COL8A1: variants seen among roughly 807,000 people sequenced by gnomAD.
The protein encoded by COL8A1 is collagen alpha-1(VIII) chain.
A neutral mutation model predicts 42.7 loss-of-function variants in COL8A1; 21 were observed. That is an observed-to-expected ratio of 0.49 (90% CI 0.35 to 0.71). COL8A1 has a LOEUF of 0.71. Among genes scored for constraint, COL8A1 ranks in the 30% least tolerant of loss-of-function variants. The probability of loss-of-function intolerance (pLI) is 0.01; values close to 1 mark genes in which losing one functional copy is unlikely to be tolerated. For synonymous variants in COL8A1, 367 were observed against 369.1 expected (o/e 0.99, Z 0.06); for missense variants, 788 against 962.4 (o/e 0.82, Z 2.40).
At position 99,795,684 on chromosome 3, in the gene COL8A1, G is replaced by A. The variant is rs866517871; in HGVS notation, c.1783G>A (p.Val595Met). Residue 595 changes from valine (V) to methionine (M), a missense_variant, in exon 4 of 4, where the codon GTG becomes ATG. Physicochemically the swap from Val to Met is conservative, Grantham distance 21 (BLOSUM62 1). Coordinates refer to ENST00000652472, the MANE Select transcript of COL8A1 (RefSeq NM_020351.4). ...LPDMGLGIDG[V>M]KPPHAYGAKK... ...AGATATGGGGCTGGGAATTGATGGCGTGAAACCCCCCCATGCCTACGGGGC... is the reference window on the plus strand; with the variant it reads ...AGATATGGGGCTGGGAATTGATGGCATGAAACCCCCCCATGCCTACGGGGC... 5.0e-6 allele frequency: 8 copies of A among 1,613,952 alleles called. No individual in the cohort carries two copies. The highest frequency in any genetic ancestry group is 1.6e-4 in the Middle Eastern group (1 of 6,084).
intron 2 of COL8A1, among the ~76,000 whole-genome samples, chr3:99,785,211 T>C (rs1259302427): frequency 6.6e-6 from 1 of 152,150 alleles, no homozygotes; most frequent in Non-Finnish European, 1.5e-5. Flanking sequence ...AATATCCAAG[T>C]CAAAAATATG....
intron 1 of COL8A1, among the ~76,000 whole-genome samples, chr3:99,710,970 C>A (rs1339024387): frequency 2.0e-5 from 3 of 151,934 alleles, no homozygotes; most frequent in African/African-American, 7.3e-5. Flanking sequence ...AGGGCCTTAC[C>A]CAAAGGTGAT....
intron 2 of COL8A1, among the ~76,000 whole-genome samples, chr3:99,763,782 T>C (rs1576467629): frequency 6.6e-6 from 1 of 152,180 alleles, no homozygotes; most frequent in African/African-American, 2.4e-5. Flanking sequence ...GCTCAGCCAA[T>C]TGGTCACCAT....
chr3:99,688,412 A>G (rs897925953), intron 1 of COL8A1, among the ~76,000 whole-genome samples: 2 of 152,144 alleles, frequency 1.3e-5, no homozygotes, highest in Non-Finnish European at 2.9e-5. Context: ...TTCCAACTTC[A>G]GAGCGCATCG....
intron 1 of COL8A1, among the ~76,000 whole-genome samples, chr3:99,660,402 T>C (rs1938168854): frequency 6.6e-6 from 1 of 152,210 alleles, no homozygotes; most frequent in Non-Finnish European, 1.5e-5. Flanking sequence ...CAGGTCCTTT[T>C]CTCAATTGCA....
rs753331382 is a variant in COL8A1, at chr3:99,795,855, A to G, written c.1954A>G (p.Ile652Val). ...ACAGAACTACAACCCGCAGACAGGC[A>G]TCTTCACCTGTGAGGTCCCTGGTGT... ...GRQNYNPQTGIFTCEVPGVYY... is the reference protein window; with the variant it reads ...GRQNYNPQTGVFTCEVPGVYY... Residue 652 changes from isoleucine to valine, a missense_variant, in exon 4 of 4, where the codon ATC becomes GTC. This residue lies in a region of COL8A1 where 212 missense variants were observed against 210.9 expected (regional missense o/e 1.00). Transcript: ENST00000652472. 6.2e-7 allele frequency: 1 copy of G among 1,614,210 alleles called. No individual in the cohort carries two copies. Among genetic ancestry groups the G allele is most frequent in the Non-Finnish European group, 8.5e-7 (1 of 1,180,034 alleles).
chr3:99,716,264 T>C (rs1939992053), intron 1 of COL8A1, among the ~76,000 whole-genome samples: 1 of 152,050 alleles, frequency 6.6e-6, no homozygotes, highest in Admixed American at 6.6e-5. Flanking sequence ...AAGATTCTCT[T>C]GAGCAATCTA....
At chr3:99,786,230 T>A (rs1941893265) in intron 2 of COL8A1, among the ~76,000 whole-genome samples, 2 of 152,302 alleles carry the variant, frequency 1.3e-5, no homozygotes, top group South Asian at 4.1e-4. Flanking sequence ...TTGAACCCTT[T>A]ATCCTGCTGC....
At chr3:99,640,067 A>G (rs1937475442) in intron 1 of COL8A1, among the ~76,000 whole-genome samples, 1 of 152,216 alleles carries the variant, frequency 6.6e-6, no homozygotes, top group African/African-American at 2.4e-5. Context: ...AAAAATATTT[A>G]AAAGTTCTGC....
intron 2 of COL8A1, among the ~76,000 whole-genome samples, chr3:99,752,143 G>A (rs1941163453): frequency 1.3e-5 from 2 of 152,046 alleles, no homozygotes; most frequent in Non-Finnish European, 2.9e-5. Context: ...AAACATGAAA[G>A]CTCTTTTTCT....
At chr3:99,793,436 T>TAC (rs66839546) in intron 3 of COL8A1, among the ~76,000 whole-genome samples, 13,396 of 149,396 alleles carry the variant, frequency 0.09, 753 homozygotes, top group East Asian at 0.2. Context: ...TTGTTTAAAA[T>TAC]ACACACACAC....
intron 1 of COL8A1, among the ~76,000 whole-genome samples, chr3:99,709,140 T>A (rs1399715248): frequency 6.7e-6 from 1 of 149,134 alleles, no homozygotes; most frequent in East Asian, 2.0e-4. Context: ...GAAACACAAC[T>A]ACTTCTCATC....
At chr3:99,696,564 G>C (rs890365187) in intron 1 of COL8A1, among the ~76,000 whole-genome samples, 4 of 152,216 alleles carry the variant, frequency 2.6e-5, no homozygotes, top group African/African-American at 9.6e-5. Context: ...ACATCCCTCT[G>C]AGGGGACAGG....
At chr3:99,698,729 A>C (rs1485276767) in intron 1 of COL8A1, among the ~76,000 whole-genome samples, 4 of 152,228 alleles carry the variant, frequency 2.6e-5, no homozygotes, top group Non-Finnish European at 4.4e-5. Context: ...CTGTGTATGT[A>C]CTGTATGTAT....
Position 99,795,651 on chromosome 3 carries a change from T to A in COL8A1, c.1750T>A (p.Tyr584Asn). The A allele has an allele frequency of 6.2e-7, 1 of 1,611,446 alleles. No homozygotes were observed. Reference protein sequence around the residue: ...MPPTPPPQGEYLPDMGLGIDG... With the variant: ...MPPTPPPQGENLPDMGLGIDG... ...CCCTACACCACCACCCCAGGGAGAG[T>A]ATCTGCCAGATATGGGGCTGGGAAT... The change falls in exon 4 of 4, where the codon TAT becomes AAT. Residue 584 changes from tyrosine to asparagine, a missense_variant. Physicochemically the swap from Tyr to Asn is moderately radical, Grantham distance 143. Coordinates refer to ENST00000652472, the MANE Select transcript of COL8A1 (RefSeq NM_020351.4).
intron 2 of COL8A1, among the ~76,000 whole-genome samples, chr3:99,758,810 C>T (rs916400510): frequency 5.3e-5 from 8 of 152,110 alleles, no homozygotes; most frequent in African/African-American, 1.9e-4. Context: ...ATTCCCTGCA[C>T]CTACCACTGA....
intron 1 of COL8A1, among the ~76,000 whole-genome samples, chr3:99,680,794 T>C (rs939257988): frequency 6.6e-6 from 1 of 152,128 alleles, no homozygotes; most frequent in Non-Finnish European, 1.5e-5. Flanking sequence ...AACAGAGATA[T>C]AGACCAATGG....
intron 2 of COL8A1, among the ~76,000 whole-genome samples, chr3:99,757,122 C>T (rs1941268999): frequency 6.6e-6 from 1 of 152,218 alleles, no homozygotes; most frequent in East Asian, 1.9e-4. Context: ...AGTTGGCATT[C>T]AGCAAATCTT....
At position 99,667,741 on chromosome 3, in the gene COL8A1, T is replaced by A. The variant is rs187668624; in HGVS notation, c.-129+29077T>A. Reference sequence around the variant, plus strand: ...TCAGTGGTTGTCTGTCTTCACAGATTAAAAATAGAAGAAATAAAATGTCCA... The same window carrying A: ...TCAGTGGTTGTCTGTCTTCACAGATAAAAAATAGAAGAAATAAAATGTCCA... On this transcript the variant is annotated intron_variant, in intron 1 of 3. Transcript: ENST00000652472. Among the ~76,000 whole-genome samples, 824 of 152,206 alleles carry A rather than the reference T, an allele frequency of 5.4e-3. 3 individuals are homozygous for A. The highest frequency in any genetic ancestry group is 8.1e-3 in the Admixed American group (124 of 15,272).
Sources: gnomAD v4.1 joint callset for allele counts (sites outside exome capture counted in the v4.1 genomes callset) on GRCh38, gnomAD v4.1.1 for gene constraint, gnomAD v4.1.1 regional missense constraint, MANE v1.5 for transcripts, NCBI Gene and HGNC (gene_info 2026-07-23, HGNC 2026-07-21) for gene names.